LUC7L3: variants seen among roughly 807,000 people sequenced by gnomAD.
LUC7L3 encodes luc7-like protein 3.
LUC7L3 carries 6 observed loss-of-function variants against 66.8 expected under a neutral mutation model. The observed-to-expected ratio is 0.09, with a 90% CI of 0.05 to 0.18. The LOEUF is 0.18. LUC7L3 is among the 10% of genes least tolerant of loss of function. The probability of loss-of-function intolerance (pLI) is 1.00; values close to 1 mark genes in which losing one functional copy is unlikely to be tolerated. For missense variants in LUC7L3, 341 were observed against 531.1 expected (o/e 0.64, Z 3.52); for synonymous variants, 160 against 174.7 (o/e 0.92, Z 0.66).
intron 7 of LUC7L3, 127 bp downstream of exon 7, chr17:50,744,940 T>A: frequency 2.9e-6 from 2 of 688,710 alleles, no homozygotes; most frequent in East Asian, 2.8e-5. Flanking sequence ...GCCTCCTGAG[T>A]AGCTGGGAGT....
rs1971092519 is a variant in LUC7L3 at position 50,755,456 on chromosome 17, G to A, written c.*4795G>A. On this transcript the variant is annotated 3_prime_UTR_variant, in exon 10 of 10. Coordinates refer to ENST00000505658, the MANE Select transcript of LUC7L3 (RefSeq NM_016424.5). ...AGGAGAGCACTTTTAAGTTGAACCT[G>A]TAGTTTTAAAAAGTACATTTCAAGT... 6.6e-6 allele frequency: 1 copy of A among 152,238 alleles called. No individual in the cohort carries two copies. Among genetic ancestry groups the A allele is most frequent in the African/African-American group, 2.4e-5 (1 of 41,454 alleles). The allele number at this position is 152,238 out of a possible 1,614,324, so 9.4% of individuals were successfully genotyped here.
rs1278600711 is a variant in LUC7L3 at position 50,743,351 on chromosome 17, A to G, written c.427-355A>G. Among the ~76,000 whole-genome samples, 3 of 151,038 alleles carry G rather than the reference A, an allele frequency of 2.0e-5. No individual in the cohort carries two copies. In the East Asian group the frequency reaches 5.8e-4, roughly 29 times the overall value. Reference sequence around the variant, plus strand: ...GTAGCTGGGATTACAGGTGCCCACCACCATGCCTGGCTAATTTTTTTTTTT... The same window carrying G: ...GTAGCTGGGATTACAGGTGCCCACCGCCATGCCTGGCTAATTTTTTTTTTT... On this transcript the variant is annotated intron_variant, in intron 5 of 9. Transcript: ENST00000505658.
intron 7 of LUC7L3, 148 bp downstream of exon 7, chr17:50,744,961 G>C: frequency 1.7e-6 from 1 of 590,768 alleles, no homozygotes; most frequent in Non-Finnish European, 2.9e-6. Flanking sequence ...ACAGGCATGT[G>C]CCACCAGGCC....
At chr17:50,734,122 A>T (rs73335543) in intron 1 of LUC7L3, among the ~76,000 whole-genome samples, 1 of 152,140 alleles carries the variant, frequency 6.6e-6, no homozygotes, top group African/African-American at 2.4e-5. Context: ...AAAATAAACT[A>T]TTTGTGACAA....
chr17:50,727,231 G>A (rs913776675), intron 1 of LUC7L3, among the ~76,000 whole-genome samples: 7 of 152,174 alleles, frequency 4.6e-5, no homozygotes, highest in African/African-American at 1.4e-4. Context: ...AACTCTCTTA[G>A]TTGTTATAAA....
At chr17:50,736,689 A>C (rs983997831) in intron 1 of LUC7L3, 7 of 350,722 alleles carry the variant, frequency 2.0e-5, no homozygotes, top group African/African-American at 1.3e-4. Flanking sequence ...TGTCTTTCCC[A>C]TATTTGTTTT....
Position 50,753,390 on chromosome 17 carries a change from TA to T in LUC7L3, c.*2731del, listed in dbSNP as rs1307139819. The T allele has an allele frequency of 6.6e-6, 1 of 152,624 alleles. No individual in the cohort carries two copies. The highest frequency in any genetic ancestry group is 1.5e-5 in the Non-Finnish European group (1 of 68,020). 9.5% of individuals were successfully genotyped at this position (152,624 alleles called of 1,614,324 possible). A position where few individuals can be genotyped will look rare whatever the true frequency, so the allele number is the denominator to read the frequency against. On this transcript the variant is annotated 3_prime_UTR_variant, in exon 10 of 10. Coordinates refer to ENST00000505658, the MANE Select transcript of LUC7L3 (RefSeq NM_016424.5). ...CTCTGCCTCATGGTCCAGTGCCTGT[TA>T]AGCCACTGTGTTCATTCTAATAGGC...
chr17:50,744,930 G>A lies in LUC7L3; in HGVS notation c.693+117G>A, dbSNP rs962097323. 14 of 761,552 alleles carry A rather than the reference G, an allele frequency of 1.8e-5. No individual in the cohort carries two copies. In the African/African-American group the frequency reaches 2.3e-4, roughly 13 times the overall value. The allele number at this position is 761,552 out of a possible 1,614,324, so 47.2% of individuals were successfully genotyped here. A position where few individuals can be genotyped will look rare whatever the true frequency, so the allele number is the denominator to read the frequency against. ...AGGTTTAAGCAATTCTCATGCCTCA[G>A]CCTCCTGAGTAGCTGGGAGTACAGG... On this transcript the variant is annotated intron_variant, in intron 7 of 9. Coordinates refer to ENST00000505658, the MANE Select transcript of LUC7L3 (RefSeq NM_016424.5).
chr17:50,737,461 C>G, intron 2 of LUC7L3: 1 of 353,260 alleles, frequency 2.8e-6, no homozygotes, highest in Non-Finnish European at 5.5e-6. Flanking sequence ...TGGACAGGCT[C>G]AGGATTTGGA....
chr17:50,741,239 C>T lies in LUC7L3; in HGVS notation c.344C>T (p.Ser115Phe). The change falls in exon 4 of 10, where the codon TCT becomes TTT. Residue 115 changes from serine to phenylalanine, a missense_variant. Ser to Phe is a radical substitution (Grantham distance 155). Coordinates refer to ENST00000505658, the MANE Select transcript of LUC7L3 (RefSeq NM_016424.5). ...ARLALSQNQQSSGAAGPTGKN... is the reference protein window; with the variant it reads ...ARLALSQNQQFSGAAGPTGKN... ...TTGGCATTATCTCAAAACCAGCAGT[C>T]TTCTGGGGTAAGTGAAGTCAATTCA... The T allele has an allele frequency of 4.3e-6, 7 of 1,614,090 alleles. No homozygotes were observed. Among genetic ancestry groups the T allele is most frequent in the South Asian group, 1.1e-5 (1 of 91,060 alleles).
intron 1 of LUC7L3, among the ~76,000 whole-genome samples, chr17:50,720,383 T>C (rs72839250): frequency 0.021 from 3,238 of 152,354 alleles, 54 homozygotes; most frequent in Non-Finnish European, 0.03. Context: ...AAGTCCCTTA[T>C]AGAGGCAGCT....
chr17:50,732,932 G>T (rs1969716079), intron 1 of LUC7L3, among the ~76,000 whole-genome samples: 1 of 152,114 alleles, frequency 6.6e-6, no homozygotes, highest in Non-Finnish European at 1.5e-5. Context: ...CAACGGCGAA[G>T]ATTCATTGTG....
chr17:50,731,795 A>G (rs557945558), intron 1 of LUC7L3, among the ~76,000 whole-genome samples: 126 of 152,316 alleles, frequency 8.3e-4, no homozygotes, highest in African/African-American at 2.8e-3. Flanking sequence ...GGACTAGATT[A>G]GGTAGCTTCT....
chr17:50,736,833 A>T (rs1413444717), intron 1 of LUC7L3, 127 bp from the exon 2 acceptor site: 3 of 643,260 alleles, frequency 4.7e-6, no homozygotes, highest in Non-Finnish European at 8.2e-6. Context: ...TGATTCAACA[A>T]ATGAAATTCT....
intron 2 of LUC7L3, chr17:50,737,313 A>AG (rs1253782879): frequency 3.8e-6 from 2 of 520,190 alleles, no homozygotes; most frequent in African/African-American, 3.8e-5. Flanking sequence ...AGATAACATT[A>AG]GAGATGTCAG....
At chr17:50,742,498 A>G (rs1970413268) in intron 5 of LUC7L3, among the ~76,000 whole-genome samples, 1 of 152,066 alleles carries the variant, frequency 6.6e-6, no homozygotes, top group Admixed American at 6.6e-5. Flanking sequence ...AGCTGGGATT[A>G]CAGGTGTGCG....
In LUC7L3 at chr17:50,753,105, T is replaced by A. The variant is rs1353397543; in HGVS notation, c.*2444T>A. 1 of 152,058 alleles carries A rather than the reference T, an allele frequency of 6.6e-6. No homozygotes were observed. The highest frequency in any genetic ancestry group is 2.4e-5 in the African/African-American group (1 of 41,416). The allele number at this position is 152,058 out of a possible 1,614,324, so 9.4% of individuals were successfully genotyped here. A position where few individuals can be genotyped will look rare whatever the true frequency, so the allele number is the denominator to read the frequency against. On this transcript the variant is annotated 3_prime_UTR_variant, in exon 10 of 10. Coordinates refer to ENST00000505658, the MANE Select transcript of LUC7L3 (RefSeq NM_016424.5). Reference sequence around the variant, plus strand: ...GGGTGTGTAGTATATATGGCAAGGGTTTTTTCCCCCCACTTAAGTGATTAT... The same window carrying A: ...GGGTGTGTAGTATATATGGCAAGGGATTTTTCCCCCCACTTAAGTGATTAT...
chr17:50,734,876 AT>A (rs1969872590), intron 1 of LUC7L3, among the ~76,000 whole-genome samples: 1 of 152,198 alleles, frequency 6.6e-6, no homozygotes, highest in Admixed American at 6.6e-5. Context: ...CCTAGAATGT[AT>A]TATTGTAAAA....
intron 2 of LUC7L3, among the ~76,000 whole-genome samples, chr17:50,738,760 AG>A (rs1446497442): frequency 6.6e-6 from 1 of 152,200 alleles, no homozygotes; most frequent in Non-Finnish European, 1.5e-5. Context: ...ATAAAAGCAG[AG>A]GGAATTGCTT....
Sources: allele counts gnomAD v4.1 joint callset (sites outside exome capture counted in the v4.1 genomes callset), GRCh38; gene constraint gnomAD v4.1.1; transcripts MANE v1.5; gene names NCBI Gene and HGNC (gene_info 2026-07-23, HGNC 2026-07-21).